The following SUMF1 variants were observed in gnomAD, a reference collection of about 807,000 sequenced individuals.
SUMF1 encodes sulfatase modifying factor 1.
SUMF1 carries 48 observed loss-of-function variants against 47.6 expected under a neutral mutation model. The ratio of observed to expected loss-of-function variants is 1.01; its 90% CI spans 0.80 to 1.28. The LOEUF (loss-of-function observed/expected upper bound fraction) is 1.28. Among genes scored for constraint, SUMF1 ranks in the 50% most tolerant of loss-of-function variants. The pLI is 0.00. For synonymous variants in SUMF1, 230 were observed against 192.1 expected (o/e 1.20, Z -1.63); for missense variants, 571 against 485.4 (o/e 1.18, Z -1.66).
intron 8 of SUMF1, among the ~76,000 whole-genome samples, chr3:4,103,955 T>C (rs1481408384): frequency 1.3e-5 from 2 of 152,182 alleles, no homozygotes; most frequent in Non-Finnish European, 2.9e-5. Context: ...CAAAATTTTC[T>C]GTGGTTAACC....
At chr3:4,413,944 A>T (rs1701625876) in intron 6 of SUMF1, among the ~76,000 whole-genome samples, 1 of 152,092 alleles carries the variant, frequency 6.6e-6, no homozygotes, top group Non-Finnish European at 1.5e-5. Flanking sequence ...GCTCACTGCA[A>T]TCTCTGCCTC....
intron 9 of SUMF1, among the ~76,000 whole-genome samples, chr3:4,038,435 G>T (rs116801492): frequency 0.012 from 1,801 of 152,250 alleles, 33 homozygotes; most frequent in African/African-American, 0.042. Flanking sequence ...ATTAGACTGA[G>T]GGTAGCAGGG....
rs4685744 is a variant in SUMF1 at position 4,361,853 on chromosome 3, C to T, written c.*291G>A. 0.46 allele frequency: 190,100 copies of T among 409,936 alleles called. 46,503 individuals are homozygous for T. The highest frequency in any genetic ancestry group is 0.61 in the East Asian group (11,415 of 18,740). The allele number at this position is 409,936 out of a possible 1,614,324, so 25.4% of individuals were successfully genotyped here. A position where few individuals can be genotyped will look rare whatever the true frequency, so the allele number is the denominator to read the frequency against. On this transcript the variant is annotated 3_prime_UTR_variant, in exon 9 of 9. Coordinates refer to ENST00000272902, the MANE Select transcript of SUMF1 (RefSeq NM_182760.4). Reference sequence around the variant, plus strand: ...CCCCTGTGGCAGAGCCTGCGTAGGACGCGGGCCTCCTGAAGCCTAGCTCAG... The same window carrying T: ...CCCCTGTGGCAGAGCCTGCGTAGGATGCGGGCCTCCTGAAGCCTAGCTCAG...
intron 8 of SUMF1, among the ~76,000 whole-genome samples, chr3:4,296,635 CT>C (rs1697858310): frequency 6.6e-6 from 1 of 152,166 alleles, no homozygotes. Context: ...GCCCAACCCC[CT>C]GATTCAATTA....
intron 8 of SUMF1, among the ~76,000 whole-genome samples, chr3:4,373,083 A>G (rs180734214): frequency 6.6e-6 from 1 of 152,348 alleles, no homozygotes; most frequent in Non-Finnish European, 1.5e-5. Context: ...TAAGCTAAGA[A>G]AAGATAAAAA....
intron 8 of SUMF1, among the ~76,000 whole-genome samples, chr3:4,161,737 T>A (rs1374287373): frequency 6.6e-6 from 1 of 152,052 alleles, no homozygotes; most frequent in East Asian, 1.9e-4. Flanking sequence ...AGAAATGCCA[T>A]CTAAGAGCCA....
intron 7 of SUMF1, among the ~76,000 whole-genome samples, chr3:4,397,253 G>A (rs1449437264): frequency 6.6e-6 from 1 of 152,154 alleles, no homozygotes; most frequent in Non-Finnish European, 1.5e-5. Context: ...AAATGCAAAG[G>A]CAACTTCTAG....
chr3:4,050,142 G>A (rs1695080150), intron 9 of SUMF1, among the ~76,000 whole-genome samples: 1 of 152,022 alleles, frequency 6.6e-6, no homozygotes, highest in South Asian at 2.1e-4. Context: ...GGCAGCTTTT[G>A]GGCATGAAAA....
rs567700028 is a variant in SUMF1, at chr3:4,045,201, G to T, written c.1191+23368C>A. 1.3e-5 allele frequency among the ~76,000 whole-genome samples: 2 copies of T among 152,236 alleles called. 1 individual carries two copies. Among genetic ancestry groups the T allele is most frequent in the South Asian group, 4.2e-4 (2 of 4,818 alleles). On this transcript the variant is annotated intron_variant and NMD_transcript_variant, in intron 9 of 12. Coordinates refer to the SUMF1 transcript ENST00000448413. ...CTGGGTGGGTCTAGTTCAATCCATT[G>T]AAAGTCCTTAAGAGCAGAACTGAGG...
In SUMF1 at chr3:4,059,320, T is replaced by C. The variant is rs369208116; in HGVS notation, c.1191+9249A>G. Among the ~76,000 whole-genome samples, 274 of 152,244 alleles carry C rather than the reference T, an allele frequency of 1.8e-3. 1 individual carries two copies. Among genetic ancestry groups the C allele is most frequent in the Non-Finnish European group, 3.5e-3 (241 of 68,004 alleles). On this transcript the variant is annotated intron_variant and NMD_transcript_variant, in intron 9 of 12. Transcript: ENST00000448413. ...TCAAGAAAGCAGTGTATTTTATCTG[T>C]ACAGCTGCCCATTTCAACTGTCCCT...
intron 8 of SUMF1, among the ~76,000 whole-genome samples, chr3:4,288,082 A>G (rs944201435): frequency 5.3e-5 from 8 of 152,150 alleles, no homozygotes; most frequent in Admixed American, 3.9e-4. Context: ...GGCACCTGCT[A>G]TCTGCAATCT....
chr3:4,222,537 G>C (rs1696089845), intron 8 of SUMF1, among the ~76,000 whole-genome samples: 1 of 151,942 alleles, frequency 6.6e-6, no homozygotes, highest in Non-Finnish European at 1.5e-5. Flanking sequence ...TGTGTGTAGG[G>C]TTGGTTTGTG....
intron 7 of SUMF1, among the ~76,000 whole-genome samples, chr3:4,394,883 C>T (rs1700991900): frequency 6.6e-6 from 1 of 152,210 alleles, no homozygotes; most frequent in South Asian, 2.1e-4. Context: ...TCATCAGAGA[C>T]ACAGCCTCTG....
chr3:4,183,509 C>A (rs1200322102), intron 8 of SUMF1, among the ~76,000 whole-genome samples: 1 of 152,090 alleles, frequency 6.6e-6, no homozygotes, highest in Non-Finnish European at 1.5e-5. Context: ...ATTGATAGCG[C>A]TCATCAGATA....
intron 8 of SUMF1, among the ~76,000 whole-genome samples, chr3:4,128,349 G>T (rs1432388402): frequency 6.6e-6 from 1 of 152,184 alleles, no homozygotes; most frequent in Non-Finnish European, 1.5e-5. Flanking sequence ...GGACCCTGAT[G>T]AAGCAGGGGA....
chr3:4,244,990 T>C (rs1696629653), intron 8 of SUMF1, among the ~76,000 whole-genome samples: 1 of 152,072 alleles, frequency 6.6e-6, no homozygotes, highest in African/African-American at 2.4e-5. Context: ...ATTAATTTGA[T>C]CTTCAATCAC....
chr3:4,221,438 TGTG>T (rs1696062312), intron 8 of SUMF1, among the ~76,000 whole-genome samples: 1 of 151,808 alleles, frequency 6.6e-6, no homozygotes, highest in African/African-American at 2.4e-5. Context: ...TGTGTGTGTG[TGTG>T]TGTGTGTGTG....
At chr3:4,179,590 C>T (rs950918966) in intron 8 of SUMF1, among the ~76,000 whole-genome samples, 1 of 151,838 alleles carries the variant, frequency 6.6e-6, no homozygotes, top group Non-Finnish European at 1.5e-5. Context: ...GAAAAAAACC[C>T]GAGAAGAAAA....
intron 8 of SUMF1, among the ~76,000 whole-genome samples, chr3:4,172,208 G>A (rs1171687315): frequency 2.0e-5 from 3 of 152,140 alleles, no homozygotes; most frequent in African/African-American, 7.2e-5. Flanking sequence ...ATTGAACTTT[G>A]CAGACAAAGG....
Sources: allele counts gnomAD v4.1 joint callset (sites outside exome capture counted in the v4.1 genomes callset), GRCh38; gene constraint gnomAD v4.1.1; transcripts MANE v1.5; gene names NCBI Gene and HGNC (gene_info 2026-07-23, HGNC 2026-07-21).